Variants in GRIK2 observed in about 807,000 individuals in gnomAD.
GRIK2 encodes the protein glutamate ionotropic receptor kainate type subunit 2, also known as glutamate receptor ionotropic, kainate 2.
Under a neutral mutation model 100.3 loss-of-function variants are expected in GRIK2, and 32 were observed. The observed-to-expected ratio is 0.32, with a 90% CI of 0.24 to 0.43. The LOEUF (loss-of-function observed/expected upper bound fraction) is 0.43, where lower values mean the gene tolerates loss of function less well. Ranked by LOEUF, GRIK2 falls within the 20% of genes least tolerant of loss-of-function variation. GRIK2 has a pLI of 1.00. For synonymous variants in GRIK2, 417 were observed against 389.4 expected, an observed-to-expected ratio of 1.07 and a Z score of -0.83; for missense variants, 843 against 1,114.9, an observed-to-expected ratio of 0.76 and a Z score of 3.47.
intron 2 of GRIK2, among the ~76,000 whole-genome samples, chr6:101,416,293 C>T (rs1000392380): frequency 2.6e-5 from 4 of 152,080 alleles, no homozygotes; most frequent in Non-Finnish European, 5.9e-5. Flanking sequence ...GTAGGCTAGG[C>T]GTGATCCGTG....
chr6:101,865,663 G>A (rs1387544710), intron 11 of GRIK2, among the ~76,000 whole-genome samples: 1 of 152,110 alleles, frequency 6.6e-6, no homozygotes, highest in Non-Finnish European at 1.5e-5. Flanking sequence ...AAGGTGGGCA[G>A]ATCACCTGAG....
chr6:101,727,739 G>T (rs1277234318), intron 7 of GRIK2, among the ~76,000 whole-genome samples: 1 of 152,014 alleles, frequency 6.6e-6, no homozygotes, highest in Non-Finnish European at 1.5e-5. Context: ...CATAAGAGAA[G>T]AGGTGATAAT....
At chr6:101,784,510 T>G (rs114679659) in intron 7 of GRIK2, among the ~76,000 whole-genome samples, 6,983 of 152,274 alleles carry the variant, frequency 0.046, 187 homozygotes, top group Non-Finnish European at 0.057. Flanking sequence ...AAGGCATGAT[T>G]GGTTTTGAAA....
chr6:102,005,168 A>G (rs1040415147), intron 14 of GRIK2, among the ~76,000 whole-genome samples: 2 of 151,298 alleles, frequency 1.3e-5, no homozygotes, highest in East Asian at 3.9e-4. Context: ...TTATATAAGT[A>G]TATATACACA....
At chr6:101,423,914 A>G (rs1391434724) in intron 2 of GRIK2, among the ~76,000 whole-genome samples, 1 of 152,184 alleles carries the variant, frequency 6.6e-6, no homozygotes, top group Non-Finnish European at 1.5e-5. Flanking sequence ...ATATGGAAAC[A>G]ACCTAAATGT....
chr6:101,832,859 A>C (rs1782791885), intron 10 of GRIK2, among the ~76,000 whole-genome samples: 1 of 152,192 alleles, frequency 6.6e-6, no homozygotes, highest in African/African-American at 2.4e-5. Context: ...TCCATAATGA[A>C]AGCTATCCTC....
At chr6:101,981,822 A>G (rs2128489534) in intron 14 of GRIK2, among the ~76,000 whole-genome samples, 1 of 152,020 alleles carries the variant, frequency 6.6e-6, no homozygotes, top group Admixed American at 6.6e-5. Flanking sequence ...GTAAAAAAAA[A>G]GTATATTTCA....
At chr6:101,510,510 GTTTTTTTT>G (rs142391999) in intron 2 of GRIK2, among the ~76,000 whole-genome samples, 4 of 94,346 alleles carry the variant, frequency 4.2e-5, no homozygotes, top group Admixed American at 3.8e-4. Flanking sequence ...CAGTTGGGGA[GTTTTTTTT>G]TTTTTTTTTT....
chr6:102,038,472 ATATT>A (rs57500657), intron 15 of GRIK2, among the ~76,000 whole-genome samples: 41,977 of 150,904 alleles, frequency 0.28, 5,862 homozygotes, highest in East Asian at 0.31. Flanking sequence ...AAGGGCAGAG[ATATT>A]TATTTGTCTC....
chr6:101,691,491 T>A (rs1239769163), intron 7 of GRIK2, among the ~76,000 whole-genome samples: 1 of 151,982 alleles, frequency 6.6e-6, no homozygotes, highest in Non-Finnish European at 1.5e-5. Context: ...AAAGATGGGT[T>A]TTCACCATGT....
At chr6:101,402,402 C>T (rs980335846) in intron 2 of GRIK2, among the ~76,000 whole-genome samples, 10 of 152,162 alleles carry the variant, frequency 6.6e-5, no homozygotes, top group Non-Finnish European at 1.3e-4. Flanking sequence ...GTCCTGTTTC[C>T]CCCTTAACCT....
intron 12 of GRIK2, among the ~76,000 whole-genome samples, chr6:101,912,917 ATC>A: frequency 7.9e-6 from 1 of 126,952 alleles, no homozygotes; most frequent in Non-Finnish European, 1.9e-5. Flanking sequence ...AAAATTCTTT[ATC>A]TTTATAGGTT....
chr6:101,411,654 T>C (rs762564869), intron 2 of GRIK2, among the ~76,000 whole-genome samples: 6 of 152,130 alleles, frequency 3.9e-5, no homozygotes, highest in Non-Finnish European at 7.4e-5. Context: ...GTCTAGATGA[T>C]GAAAAACAAT....
chr6:101,621,449 TAAAAA>T (rs1780155728), intron 2 of GRIK2, among the ~76,000 whole-genome samples: 1 of 151,742 alleles, frequency 6.6e-6, no homozygotes, highest in Non-Finnish European at 1.5e-5. Context: ...GTGACTGTCT[TAAAAA>T]AGAAAAAAAA....
intron 2 of GRIK2, among the ~76,000 whole-genome samples, chr6:101,593,381 CATA>C (rs1554225541): frequency 6.6e-6 from 1 of 151,682 alleles, no homozygotes; most frequent in African/African-American, 2.4e-5. Flanking sequence ...TAATGAGCAT[CATA>C]ATAATAATAA....
At chr6:101,404,057 C>T (rs1775477373) in intron 2 of GRIK2, among the ~76,000 whole-genome samples, 1 of 152,160 alleles carries the variant, frequency 6.6e-6, no homozygotes, top group Non-Finnish European at 1.5e-5. Context: ...CTTTCTCTAC[C>T]CAGATACATG....
chr6:101,865,693 C>T (rs942627567), intron 11 of GRIK2, among the ~76,000 whole-genome samples: 4 of 151,950 alleles, frequency 2.6e-5, no homozygotes, highest in African/African-American at 9.7e-5. Flanking sequence ...TCAAGACCAG[C>T]CTGGCCAACA....
chr6:101,742,108 T>G (rs1169539530), intron 7 of GRIK2, among the ~76,000 whole-genome samples: 1 of 152,234 alleles, frequency 6.6e-6, no homozygotes, highest in African/African-American at 2.4e-5. Context: ...AAGAAGATTA[T>G]CAGAATATAC....
intron 15 of GRIK2, among the ~76,000 whole-genome samples, chr6:102,040,796 G>A (rs142870926): frequency 7.8e-4 from 118 of 151,628 alleles, no homozygotes; most frequent in African/African-American, 2.7e-3. Context: ...CCAGCCTTCC[G>A]TTTTTCAGCT....
Sources: gnomAD v4.1 joint callset for allele counts (sites outside exome capture counted in the v4.1 genomes callset) on GRCh38, gnomAD v4.1.1 for gene constraint, MANE v1.5 for transcripts, NCBI Gene and HGNC (gene_info 2026-07-23, HGNC 2026-07-21) for gene names.